The following AHRR variants were observed in gnomAD, a reference collection of about 807,000 sequenced individuals.
The protein encoded by AHRR is ahR repressor.
In AHRR, 28 loss-of-function variants were observed where a neutral mutation model predicts 44.0. That is an observed-to-expected ratio of 0.64 (90% confidence interval 0.47 to 0.87). The LOEUF (loss-of-function observed/expected upper bound fraction) is 0.87, where lower values mean the gene tolerates loss of function less well. AHRR is among the 40% of genes least tolerant of loss of function. AHRR has a pLI of 0.00. For synonymous variants in AHRR, 434 were observed against 407.0 expected, an observed-to-expected ratio of 1.07 and a Z score of -0.80; for missense variants, 990 against 953.9, an observed-to-expected ratio of 1.04 and a Z score of -0.50.
At chr5:340,688 A>ATTT (rs539789608) in intron 1 of AHRR, among the ~76,000 whole-genome samples, 7 of 12,928 alleles carry the variant, frequency 5.4e-4, no homozygotes, top group South Asian at 4.0e-3. Flanking sequence ...ATATATATAT[A>ATTT]TTTTTTTTTT....
At chr5:421,948 C>A (rs1412950788) in intron 5 of AHRR, among the ~76,000 whole-genome samples, 1 of 152,204 alleles carries the variant, frequency 6.6e-6, no homozygotes, top group Non-Finnish European at 1.5e-5. Flanking sequence ...AGAATTAGGT[C>A]ACCCAGAAAG....
intron 1 of AHRR, among the ~76,000 whole-genome samples, chr5:334,503 T>G (rs529926979): frequency 7.2e-5 from 11 of 152,118 alleles, no homozygotes; most frequent in South Asian, 2.1e-4. Flanking sequence ...TCTAGTCTAT[T>G]GTTGGAGCTT....
chr5:343,860 G>T (rs1188356873), intron 1 of AHRR, 33 bp from the exon 2 acceptor site: 2 of 1,579,556 alleles, frequency 1.3e-6, no homozygotes, highest in South Asian at 1.1e-5. Flanking sequence ...CACGTGGCGC[G>T]TTCCGGTGAC....
intron 1 of AHRR, among the ~76,000 whole-genome samples, chr5:339,928 T>G (rs949200261): frequency 4.6e-5 from 7 of 152,222 alleles, no homozygotes; most frequent in Non-Finnish European, 1.0e-4. Flanking sequence ...TTTTATATAT[T>G]GGTAGATTCT....
chr5:388,477 G>A lies in AHRR; in HGVS notation c.351+11761G>A, dbSNP rs894750297. ...GTCACACCCTTGTAAGGAGGGAGCCGGGGTCCCCACTGCTGCTTTTCTCCC... is the reference window on the plus strand; with the variant it reads ...GTCACACCCTTGTAAGGAGGGAGCCAGGGTCCCCACTGCTGCTTTTCTCCC... On this transcript the variant is annotated intron_variant, in intron 4 of 10. Transcript: ENST00000684583. This position sits in a 1 kb window ranked among gnomAD's most constrained non-coding sequence, Gnocchi z 5.2. 6.6e-5 allele frequency among the ~76,000 whole-genome samples: 10 copies of A among 152,178 alleles called. No individual in the cohort carries two copies. The highest frequency in any genetic ancestry group is 2.2e-4 in the African/African-American group (9 of 41,440).
chr5:377,711 G>T (rs781776512), intron 4 of AHRR, among the ~76,000 whole-genome samples: 2 of 152,220 alleles, frequency 1.3e-5, no homozygotes, highest in Non-Finnish European at 2.9e-5. Flanking sequence ...CTCTGTCCCC[G>T]CTAGTGAATG....
chr5:353,378 GC>G (rs1360220294), intron 2 of AHRR, among the ~76,000 whole-genome samples: 1 of 152,186 alleles, frequency 6.6e-6, no homozygotes, highest in Non-Finnish European at 1.5e-5. Context: ...CCAGCCTGGG[GC>G]CAGGCGTCCT....
At chr5:369,528 C>A (rs570172746) in intron 3 of AHRR, among the ~76,000 whole-genome samples, 1 of 152,218 alleles carries the variant, frequency 6.6e-6, no homozygotes, top group Non-Finnish European at 1.5e-5. Context: ...TCCCGCTGCA[C>A]GAGCCCGGGC....
intron 4 of AHRR, among the ~76,000 whole-genome samples, chr5:409,498 C>T (rs749572876): frequency 3.3e-5 from 5 of 152,298 alleles, no homozygotes; most frequent in Non-Finnish European, 4.4e-5. Context: ...TTTCTGACAG[C>T]GGCCACCCTG....
intron 8 of AHRR, among the ~76,000 whole-genome samples, chr5:430,963 C>T (rs1560925209): frequency 6.9e-6 from 1 of 145,806 alleles, no homozygotes; most frequent in Non-Finnish European, 1.5e-5. Flanking sequence ...AGAAAAGGAC[C>T]TGGGGTCTCT....
intron 4 of AHRR, among the ~76,000 whole-genome samples, chr5:403,464 T>C (rs879757689): frequency 3.2e-4 from 48 of 152,012 alleles, no homozygotes; most frequent in Non-Finnish European, 5.9e-4. Flanking sequence ...GGTGAAACGC[T>C]GTCTCTACTA....
rs778154614 is a variant in AHRR, at chr5:434,073, A to G, written c.1333A>G (p.Arg445Gly). The G allele has an allele frequency of 3.3e-5, 54 of 1,612,570 alleles. No homozygotes were observed. Among genetic ancestry groups the G allele is most frequent in the Middle Eastern group, 1.6e-4 (1 of 6,076 alleles). Reference protein sequence around the residue: ...LPCPCVQGTFRNSPISHPPSP... With the variant: ...LPCPCVQGTFGNSPISHPPSP... ...CTGCCCGTGTGTCCAGGGCACTTTCAGGAACTCGCCCATCTCTCACCCGCC... is the reference window on the plus strand; with the variant it reads ...CTGCCCGTGTGTCCAGGGCACTTTCGGGAACTCGCCCATCTCTCACCCGCC... The change falls in exon 11 of 11, where the codon AGG (arginine) becomes GGG (glycine). Residue 445 changes from arginine to glycine, a missense_variant. Coordinates refer to ENST00000684583, the MANE Select transcript of AHRR (RefSeq NM_001377236.1).
chr5:415,776 C>T (rs1735779676), intron 5 of AHRR, among the ~76,000 whole-genome samples: 2 of 152,100 alleles, frequency 1.3e-5, no homozygotes. Context: ...ACCCCGCTCG[C>T]CCACACTAGT....
At chr5:377,546 G>A (rs1038744301) in intron 4 of AHRR, among the ~76,000 whole-genome samples, 11 of 152,198 alleles carry the variant, frequency 7.2e-5, no homozygotes, top group African/African-American at 2.4e-4. Context: ...AGATGAGAGG[G>A]TACTGGGGCC....
At chr5:394,224 C>T (rs1001803361) in intron 4 of AHRR, among the ~76,000 whole-genome samples, 3 of 152,226 alleles carry the variant, frequency 2.0e-5, no homozygotes, top group Admixed American at 6.5e-5. Flanking sequence ...TTCCTGCTGG[C>T]GAATGTTTTC....
chr5:367,877 TCA>T, intron 3 of AHRR: 1 of 702,558 alleles, frequency 1.4e-6, no homozygotes, highest in South Asian at 1.5e-5. Flanking sequence ...CCCATGTCGT[TCA>T]GGAGGCCCCG....
intron 3 of AHRR, among the ~76,000 whole-genome samples, chr5:354,216 G>A (rs1363470924): frequency 1.3e-5 from 2 of 152,224 alleles, no homozygotes; most frequent in African/African-American, 4.8e-5. Context: ...CTGAAGCTGC[G>A]CAGCTGCTGA....
intron 5 of AHRR, among the ~76,000 whole-genome samples, chr5:415,629 CCGAATCTGCCTGGTGGGGCG>C (rs1735750151): frequency 2.7e-5 from 4 of 145,574 alleles, no homozygotes; most frequent in Non-Finnish European, 6.0e-5. Flanking sequence ...GGCCTAGGGG[CCGAATCTGCCTGGTGGGGCG>C]GGAGGCCTAG....
chr5:325,907 C>T (rs753972598), intron 1 of AHRR, among the ~76,000 whole-genome samples: 4 of 152,060 alleles, frequency 2.6e-5, no homozygotes, highest in Admixed American at 6.6e-5. Context: ...CTTAGCCTCC[C>T]GAGTAGCTGG....
Sources: allele counts gnomAD v4.1 joint callset (sites outside exome capture counted in the v4.1 genomes callset), GRCh38; gene constraint gnomAD v4.1.1; non-coding constraint Gnocchi (gnomAD v3.1); transcripts MANE v1.5; gene names NCBI Gene and HGNC (gene_info 2026-07-23, HGNC 2026-07-21).